Variants in MGRN1 observed in about 807,000 individuals in gnomAD.
MGRN1 encodes E3 ubiquitin-protein ligase MGRN1.
Under a neutral mutation model 69.2 loss-of-function variants are expected in MGRN1, and 29 were observed. That is an observed-to-expected ratio of 0.42 (90% CI 0.31 to 0.57). MGRN1 has a LOEUF of 0.57. MGRN1 is among the 20% of genes least tolerant of loss of function. The pLI is 0.15. For synonymous variants in MGRN1, 470 were observed against 344.2 expected, an observed-to-expected ratio of 1.37 and a Z score of -4.04; for missense variants, 998 against 796.2, an observed-to-expected ratio of 1.25 and a Z score of -3.05.
intron 4 of MGRN1, among the ~76,000 whole-genome samples, chr16:4,654,578 G>A (rs532263229): frequency 6.6e-6 from 1 of 152,240 alleles, no homozygotes; most frequent in African/African-American, 2.4e-5. Flanking sequence ...CTTTGCATCT[G>A]GGGATAGGGT....
chr16:4,625,878 G>C (rs1897654144), intron 1 of MGRN1, among the ~76,000 whole-genome samples: 1 of 152,164 alleles, frequency 6.6e-6, no homozygotes, highest in African/African-American at 2.4e-5. Context: ...AGAGAACTTG[G>C]GCATCATGGG....
At chr16:4,652,193 C>T in intron 3 of MGRN1, 142 bp downstream of exon 3, 4 of 749,824 alleles carry the variant, frequency 5.3e-6, no homozygotes, top group Non-Finnish European at 8.6e-6. Flanking sequence ...AGAGGCTGTC[C>T]TGGGCTGAGC....
At chr16:4,688,768 A>G in intron 16 of MGRN1, 28 bp from the exon 17 acceptor site, 1 of 1,521,026 alleles carries the variant, frequency 6.6e-7, no homozygotes, top group Non-Finnish European at 8.9e-7. Flanking sequence ...TCCGAGTGTG[A>G]CCCTCCTCCC....
intron 1 of MGRN1, among the ~76,000 whole-genome samples, chr16:4,626,605 A>T (rs1337290060): frequency 2.0e-5 from 3 of 152,234 alleles, no homozygotes; most frequent in African/African-American, 7.2e-5. Context: ...TAATCATAGT[A>T]AGCAGTGGCA....
At position 4,651,978 on chromosome 16, in the gene MGRN1, C is replaced by T; in HGVS notation, c.223C>T (p.Pro75Ser). ...TTTCTCCTAGTTTCCCTACGTCACT[C>T]CTGCCCCCCACGAGCCCGTGAAGAC... Reference protein sequence around the residue: ...SRPVQFPYVTPAPHEPVKTLR... With the variant: ...SRPVQFPYVTSAPHEPVKTLR... Residue 75 changes from proline to serine, a missense_variant, in exon 3 of 17, where the codon CCT becomes TCT. Coordinates refer to ENST00000262370, the MANE Select transcript of MGRN1 (RefSeq NM_015246.4). The T allele has an allele frequency of 6.2e-7, 1 of 1,614,038 alleles. No homozygotes were observed. The highest frequency in any genetic ancestry group is 8.5e-7 in the Non-Finnish European group (1 of 1,179,958).
At chr16:4,666,615 C>T (rs533072352) in intron 7 of MGRN1, among the ~76,000 whole-genome samples, 1 of 152,314 alleles carries the variant, frequency 6.6e-6, no homozygotes, top group East Asian at 1.9e-4. Flanking sequence ...GTTACCTCCT[C>T]GGGCTGTAGC....
In MGRN1 at chr16:4,652,759, C is replaced by T. The variant is rs764712459; in HGVS notation, c.378C>T (p.Ala126=). Residue 126 remains alanine (A), a synonymous_variant, in exon 4 of 17, where the codon GCC becomes GCT. Coordinates refer to ENST00000262370, the MANE Select transcript of MGRN1 (RefSeq NM_015246.4). ...VLYSLEFTFD[A]DARVAITIYC... ...ACAGCCTGGAGTTCACCTTCGACGC[C>T]GATGCCCGCGTGGCCATCACCATCT... is the stretch of plus-strand genomic sequence containing the variant. 22 of 1,612,370 alleles carry T rather than the reference C, an allele frequency of 1.4e-5. No homozygotes were observed. The highest frequency in any genetic ancestry group is 2.7e-5 in the African/African-American group (2 of 74,902).
At chr16:4,656,213 C>T (rs1052603519) in intron 4 of MGRN1, among the ~76,000 whole-genome samples, 6 of 152,232 alleles carry the variant, frequency 3.9e-5, no homozygotes, top group Admixed American at 1.3e-4. Flanking sequence ...GGGATGCACT[C>T]GTGCCTGTGG....
chr16:4,651,923 C>T (rs2078416654), intron 2 of MGRN1, 40 bp from the exon 3 acceptor site: 2 of 1,589,590 alleles, frequency 1.3e-6, no homozygotes, highest in South Asian at 2.2e-5. Context: ...GTTGGCTGCT[C>T]CTGAGGGAGT....
At chr16:4,665,889 G>A (rs929058387) in intron 7 of MGRN1, among the ~76,000 whole-genome samples, 3 of 151,646 alleles carry the variant, frequency 2.0e-5, no homozygotes, top group African/African-American at 7.3e-5. Flanking sequence ...GAGTGCAGTG[G>A]CATGATCTTG....
At chr16:4,683,762 G>C in intron 15 of MGRN1, 81 bp from the exon 16 acceptor site, 1 of 1,280,640 alleles carries the variant, frequency 7.8e-7, no homozygotes, top group East Asian at 2.5e-5. Context: ...CCTTGGGTAA[G>C]AGAGACGGCC....
chr16:4,677,412 C>T (rs780451658), intron 10 of MGRN1, 51 bp from the exon 11 acceptor site: 52 of 1,427,948 alleles, frequency 3.6e-5, no homozygotes, highest in East Asian at 2.9e-4. Flanking sequence ...AGGGTCCCCT[C>T]GGGGCTGGGT....
chr16:4,633,175 G>A (rs1898095600), intron 1 of MGRN1, among the ~76,000 whole-genome samples: 1 of 151,728 alleles, frequency 6.6e-6, no homozygotes, highest in Admixed American at 6.6e-5. Flanking sequence ...ACCATTTGAG[G>A]TTAGGAGTTT....
chr16:4,633,064 C>G (rs368929161), intron 1 of MGRN1, among the ~76,000 whole-genome samples: 1 of 152,094 alleles, frequency 6.6e-6, no homozygotes, highest in Non-Finnish European at 1.5e-5. Flanking sequence ...GCCTGGGCAG[C>G]AGAGTGAGAC....
Position 4,689,156 on chromosome 16 carries a change from GC to G in MGRN1, c.*253del, listed in dbSNP as rs1400735410. 1 of 506,228 alleles carries G rather than the reference GC, an allele frequency of 2.0e-6. No individual in the cohort carries two copies. The highest frequency in any genetic ancestry group is 3.3e-6 in the Non-Finnish European group (1 of 307,410). The allele number at this position is 506,228 out of a possible 1,614,324, so 31.4% of individuals were successfully genotyped here. A position where few individuals can be genotyped will look rare whatever the true frequency, so the allele number is the denominator to read the frequency against. ...AGCAGCTTTCCATCCCTAGTTCAGA[GC>G]CCCCGTTCCCCAGGGTCCTGTGGGC... On this transcript the variant is annotated 3_prime_UTR_variant, in exon 17 of 17. Transcript: ENST00000262370.
intron 10 of MGRN1, among the ~76,000 whole-genome samples, chr16:4,676,074 G>A (rs376164030): frequency 6.6e-6 from 1 of 152,258 alleles, no homozygotes; most frequent in African/African-American, 2.4e-5. Context: ...CCTCCAAGCC[G>A]GGCGTGGGGC....
At position 4,651,986 on chromosome 16, in the gene MGRN1, C is replaced by G; in HGVS notation, c.231C>G (p.Pro77=). The change falls in exon 3 of 17, where the codon CCC becomes CCG. Residue 77 remains proline (P), a synonymous_variant. Coordinates refer to ENST00000262370, the MANE Select transcript of MGRN1 (RefSeq NM_015246.4). ...AGTTTCCCTACGTCACTCCTGCCCC[C>G]CACGAGCCCGTGAAGACGCTGCGGA... is the stretch of plus-strand genomic sequence containing the variant. The part of the protein sequence containing the change: ...PVQFPYVTPA[P]HEPVKTLRSL... 6.2e-7 allele frequency: 1 copy of G among 1,614,048 alleles called. No individual in the cohort carries two copies. Among genetic ancestry groups the G allele is most frequent in the Non-Finnish European group, 8.5e-7 (1 of 1,179,952 alleles).
chr16:4,683,188 T>C (rs748562865), intron 14 of MGRN1, 36 bp from the exon 15 acceptor site: 24 of 1,611,724 alleles, frequency 1.5e-5, no homozygotes, highest in Non-Finnish European at 2.0e-5. Context: ...GCCGCGGCTC[T>C]CTGAGCTCTA....
intron 1 of MGRN1, among the ~76,000 whole-genome samples, chr16:4,626,302 C>G (rs987728831): frequency 6.6e-6 from 1 of 152,216 alleles, no homozygotes; most frequent in African/African-American, 2.4e-5. Context: ...AGCGGGTCAG[C>G]CTGGCCTTTG....
Sources: gnomAD v4.1 joint callset for allele counts (sites outside exome capture counted in the v4.1 genomes callset) on GRCh38, gnomAD v4.1.1 for gene constraint, MANE v1.5 for transcripts, NCBI Gene and HGNC (gene_info 2026-07-23, HGNC 2026-07-21) for gene names.